DCP1A: variants seen among roughly 807,000 people sequenced by gnomAD.
DCP1A encodes mRNA-decapping enzyme 1A.
A neutral mutation model predicts 58.0 loss-of-function variants in DCP1A; 20 were observed. The observed-to-expected ratio is 0.34, with a 90% CI of 0.24 to 0.50. The LOEUF (loss-of-function observed/expected upper bound fraction) is 0.50, where lower values mean the gene tolerates loss of function less well. DCP1A is among the 20% of genes least tolerant of loss of function. The pLI, the probability that DCP1A is intolerant of heterozygous loss-of-function variation, is 0.98. For synonymous variants in DCP1A, 285 were observed against 275.1 expected (o/e 1.04, Z -0.36); for missense variants, 613 against 712.2 (o/e 0.86, Z 1.59).
At chr3:53,317,690 A>G (rs1707853049) in intron 4 of DCP1A, among the ~76,000 whole-genome samples, 1 of 152,216 alleles carries the variant, frequency 6.6e-6, no homozygotes, top group African/African-American at 2.4e-5. Flanking sequence ...ATCTCAAAAG[A>G]AAAAAATTAA....
Position 53,285,986 on chromosome 3 carries a change from C to A in DCP1A, c.*1594G>T, listed in dbSNP as rs1327556608. 3 of 152,182 alleles carry A rather than the reference C, an allele frequency of 2.0e-5. No homozygotes were observed. In the East Asian group the frequency reaches 5.8e-4, roughly 29 times the overall value. 9.4% of individuals were successfully genotyped at this position (152,182 alleles called of 1,614,324 possible). On this transcript the variant is annotated 3_prime_UTR_variant, in exon 10 of 10. Transcript: ENST00000610213. ...CACAATTCACACATAATTAGGTAGACAGCAATAGAAGACACTAAAATGAGA... is the reference window on the plus strand; with the variant it reads ...CACAATTCACACATAATTAGGTAGAAAGCAATAGAAGACACTAAAATGAGA...
At chr3:53,293,968 A>C (rs1328072978) in intron 6 of DCP1A, among the ~76,000 whole-genome samples, 1 of 152,194 alleles carries the variant, frequency 6.6e-6, no homozygotes, top group African/African-American at 2.4e-5. Context: ...TGCAGAGCTC[A>C]GTGGGAAGGA....
chr3:53,290,869 T>C lies in DCP1A; in HGVS notation c.1384-13A>G. ...TCTGCTGCATAGACTGAAATGTTTA[T>C]GAAGAAAAGACAGACGGATATAAGA... On this transcript the variant is annotated splice_polypyrimidine_tract_variant and intron_variant, in intron 7 of 9. Coordinates refer to ENST00000610213, the MANE Select transcript of DCP1A (RefSeq NM_018403.7). 1 of 1,605,824 alleles carries C rather than the reference T, an allele frequency of 6.2e-7. No homozygotes were observed. The highest frequency in any genetic ancestry group is 2.2e-5 in the East Asian group (1 of 44,730).
intron 8 of DCP1A, among the ~76,000 whole-genome samples, chr3:53,290,411 C>G (rs567036092): frequency 6.7e-6 from 1 of 149,616 alleles, no homozygotes; most frequent in African/African-American, 2.5e-5. Context: ...AAGGGCCCAC[C>G]GTGCCCTCTA....
At chr3:53,294,188 C>T (rs1553686536) in intron 6 of DCP1A, among the ~76,000 whole-genome samples, 2 of 152,182 alleles carry the variant, frequency 1.3e-5, no homozygotes, top group African/African-American at 2.4e-5. Context: ...GCAACATGTC[C>T]AGGGGATGAG....
At chr3:53,316,828 G>A (rs797033770) in intron 4 of DCP1A, among the ~76,000 whole-genome samples, 9 of 152,166 alleles carry the variant, frequency 5.9e-5, no homozygotes, top group African/African-American at 2.2e-4. Flanking sequence ...CATTTCTGGT[G>A]AAAGAAGCCC....
chr3:53,344,422 A>C (rs2089265959), intron 2 of DCP1A, among the ~76,000 whole-genome samples: 1 of 152,210 alleles, frequency 6.6e-6, no homozygotes, highest in Admixed American at 6.5e-5. Context: ...TTTCTAAAGA[A>C]CTCTCAAATA....
intron 3 of DCP1A, among the ~76,000 whole-genome samples, chr3:53,341,034 C>T (rs2089194670): frequency 6.6e-6 from 1 of 152,022 alleles, no homozygotes; most frequent in Non-Finnish European, 1.5e-5. Context: ...GTGCTGGTAA[C>T]CAGTAGACAC....
At chr3:53,304,383 AT>A in intron 5 of DCP1A, 93 bp from the exon 6 acceptor site, 1 of 852,696 alleles carries the variant, frequency 1.2e-6, no homozygotes, top group Non-Finnish European at 1.8e-6. Flanking sequence ...CAAAAATGTT[AT>A]TTTTTAAAAA....
intron 6 of DCP1A, among the ~76,000 whole-genome samples, chr3:53,302,349 C>T (rs1338566127): frequency 6.6e-6 from 1 of 152,140 alleles, no homozygotes; most frequent in Admixed American, 6.5e-5. Context: ...TTTTATCAGA[C>T]TATCAGTTAT....
At chr3:53,303,289 CAG>C (rs1483481084) in intron 6 of DCP1A, among the ~76,000 whole-genome samples, 7 of 151,950 alleles carry the variant, frequency 4.6e-5, no homozygotes, top group African/African-American at 1.5e-4. Context: ...TTCCTTGAGA[CAG>C]AGTCTTACTC....
At chr3:53,319,946 A>G (rs558879095) in intron 3 of DCP1A, among the ~76,000 whole-genome samples, 1 of 152,186 alleles carries the variant, frequency 6.6e-6, no homozygotes, top group East Asian at 1.9e-4. Flanking sequence ...CCTGGCCAAC[A>G]TAGGTGAAAC....
intron 3 of DCP1A, among the ~76,000 whole-genome samples, chr3:53,325,343 G>C (rs2106863654): frequency 6.6e-6 from 1 of 152,260 alleles, no homozygotes; most frequent in South Asian, 2.1e-4. Flanking sequence ...TTATTATTTA[G>C]ATCTAACCTA....
chr3:53,318,574 CT>C (rs1427399431), intron 4 of DCP1A, among the ~76,000 whole-genome samples: 2 of 152,192 alleles, frequency 1.3e-5, no homozygotes, highest in Non-Finnish European at 2.9e-5. Flanking sequence ...CTCAGGCCCC[CT>C]GAAGCCCCGT....
Position 53,347,508 on chromosome 3 carries a change from G to A in DCP1A, c.10C>T (p.Leu4=), listed in dbSNP as rs1553693325. The A allele has an allele frequency of 1.2e-6, 2 of 1,611,748 alleles. No individual in the cohort carries two copies. The highest frequency in any genetic ancestry group is 8.5e-7 in the Non-Finnish European group (1 of 1,178,778). Residue 4 remains leucine, a synonymous_variant, in exon 1 of 10, where the codon CTG becomes TTG. Coordinates refer to ENST00000610213, the MANE Select transcript of DCP1A (RefSeq NM_018403.7). ...CTCATCTCCTGCCCAGCTCGACTCA[G>A]CGCCTCCATCTTGAATCCCAGAGCC... MEA[L]SRAGQEMSLA...
intron 3 of DCP1A, among the ~76,000 whole-genome samples, chr3:53,331,890 T>C (rs1164262150): frequency 2.6e-5 from 4 of 152,212 alleles, no homozygotes; most frequent in African/African-American, 7.2e-5. Flanking sequence ...CTAAGAGAAG[T>C]ATTACTCGGT....
At chr3:53,302,969 G>C (rs1553687574) in intron 6 of DCP1A, among the ~76,000 whole-genome samples, 1 of 151,520 alleles carries the variant, frequency 6.6e-6, no homozygotes, top group Non-Finnish European at 1.5e-5. Flanking sequence ...AAATTTTTGA[G>C]ACAGGGCCTT....
Position 53,285,955 on chromosome 3 carries a change from A to AT in DCP1A, c.*1624dup, listed in dbSNP as rs1447078799. The AT allele has an allele frequency of 6.6e-6, 1 of 152,216 alleles. No homozygotes were observed. The highest frequency in any genetic ancestry group is 2.4e-5 in the African/African-American group (1 of 41,448). 9.4% of individuals were successfully genotyped at this position (152,216 alleles called of 1,614,324 possible). A position where few individuals can be genotyped will look rare whatever the true frequency, so the allele number is the denominator to read the frequency against. On this transcript the variant is annotated 3_prime_UTR_variant, in exon 10 of 10. Transcript: ENST00000610213. Reference sequence around the variant, plus strand: ...CATGAAAACTTATAAGCTTCCCTGAATTCTGCACAATTCACACATAATTAG... The same window carrying AT: ...CATGAAAACTTATAAGCTTCCCTGAATTTCTGCACAATTCACACATAATTAG...
chr3:53,312,548 T>G (rs1374775690), intron 4 of DCP1A, among the ~76,000 whole-genome samples, 169 bp from the exon 5 acceptor site: 1 of 146,386 alleles, frequency 6.8e-6, no homozygotes, highest in Non-Finnish European at 1.5e-5. Context: ...CAGGCTGGAG[T>G]GCAGTGGTGT....
Sources: gnomAD v4.1 joint callset for allele counts (sites outside exome capture counted in the v4.1 genomes callset) on GRCh38, gnomAD v4.1.1 for gene constraint, MANE v1.5 for transcripts, NCBI Gene and HGNC (gene_info 2026-07-23, HGNC 2026-07-21) for gene names.